ZNF680: variants seen among roughly 807,000 people sequenced by gnomAD.
ZNF680 encodes the protein hypothetical protein FLJ90430.
A neutral mutation model predicts 12.1 loss-of-function variants in ZNF680; 6 were observed. The ratio of observed to expected loss-of-function variants is 0.49; its 90% confidence interval spans 0.27 to 0.98. The LOEUF is 0.98. ZNF680 is among the 50% of genes least tolerant of loss of function. ZNF680 has a pLI of 0.12. For synonymous variants in ZNF680, 170 were observed against 199.3 expected, an observed-to-expected ratio of 0.85 and a Z score of 1.24; for missense variants, 561 against 616.3, an observed-to-expected ratio of 0.91 and a Z score of 0.95.
chr7:64,552,854 G>A (rs1483420117), intron 1 of ZNF680, among the ~76,000 whole-genome samples: 3 of 152,090 alleles, frequency 2.0e-5, no homozygotes, highest in South Asian at 2.1e-4. Flanking sequence ...GACCAGGCAC[G>A]GTGGCTCACG....
rs752161906 is a variant in ZNF680, at chr7:64,522,432, T to A, written c.322A>T (p.Ile108Leu). ...CCACATTTTCCATATCCTCTCAGTA[T>A]CACTTTTTGAAAAGAATCTTTTATG... Reference protein sequence around the residue: ...HSIKDSFQKVILRGYGKCGHE... With the variant: ...HSIKDSFQKVLLRGYGKCGHE... The change falls in exon 4 of 4, where the codon ATA becomes TTA. Residue 108 changes from isoleucine (I) to leucine (L), a missense_variant. Coordinates refer to ENST00000309683, the MANE Select transcript of ZNF680 (RefSeq NM_178558.5). 6.2e-7 allele frequency: 1 copy of A among 1,602,594 alleles called. No individual in the cohort carries two copies. Among genetic ancestry groups the A allele is most frequent in the Admixed American group, 1.7e-5 (1 of 57,880 alleles).
intron 3 of ZNF680, among the ~76,000 whole-genome samples, chr7:64,539,649 C>G (rs944931203): frequency 6.6e-6 from 1 of 152,010 alleles, no homozygotes; most frequent in South Asian, 2.1e-4. Flanking sequence ...TTAACATGCT[C>G]GAAATGTACA....
chr7:64,512,420 T>C, the ZNF680 span, among the ~76,000 whole-genome samples: 4 of 131,608 alleles, frequency 3.0e-5, no homozygotes, highest in African/African-American at 1.2e-4. Flanking sequence ...ACCATTGCAC[T>C]CCAGCCTGGG....
chr7:64,562,204 C>A (rs1787784328), intron 1 of ZNF680, among the ~76,000 whole-genome samples: 1 of 150,094 alleles, frequency 6.7e-6, no homozygotes, highest in Admixed American at 6.7e-5. Context: ...TGCACTTCAG[C>A]CTGGGCGACA....
intron 1 of ZNF680, among the ~76,000 whole-genome samples, chr7:64,561,928 C>G (rs1787761813): frequency 1.1e-5 from 1 of 87,736 alleles, no homozygotes; most frequent in African/African-American, 4.1e-5. Flanking sequence ...GAGCAAGACT[C>G]CGTCTCAAAA....
intron 3 of ZNF680, among the ~76,000 whole-genome samples, chr7:64,537,331 T>G: frequency 6.6e-6 from 1 of 152,062 alleles, no homozygotes; most frequent in East Asian, 1.9e-4. Context: ...TAAATTTAAT[T>G]TAATTTAAAA....
the ZNF680 span, among the ~76,000 whole-genome samples, chr7:64,510,682 G>C: frequency 6.7e-6 from 1 of 149,100 alleles, no homozygotes; most frequent in African/African-American, 2.5e-5. Context: ...AGGCCAAGGC[G>C]GGCGGATCAC....
the ZNF680 span, among the ~76,000 whole-genome samples, chr7:64,508,013 A>G: frequency 1.3e-5 from 2 of 150,580 alleles, no homozygotes; most frequent in African/African-American, 4.9e-5. Context: ...AATACTTTAA[A>G]AGGCTCTAAA....
At chr7:64,540,996 T>C (rs1396923726) in intron 3 of ZNF680, among the ~76,000 whole-genome samples, 3 of 152,196 alleles carry the variant, frequency 2.0e-5, no homozygotes, top group Non-Finnish European at 2.9e-5. Context: ...GTTTTAAATA[T>C]ATGCTATTCT....
chr7:64,532,033 C>T (rs574624848), intron 3 of ZNF680, among the ~76,000 whole-genome samples: 9 of 152,238 alleles, frequency 5.9e-5, no homozygotes, highest in African/African-American at 9.6e-5. Flanking sequence ...AGGCCAGGCA[C>T]GGTGGCTCAC....
At chr7:64,528,437 A>T (rs1287717223) in intron 3 of ZNF680, among the ~76,000 whole-genome samples, 1 of 152,188 alleles carries the variant, frequency 6.6e-6, no homozygotes, top group African/African-American at 2.4e-5. Context: ...GCAAGTTCTT[A>T]GCCCAGCTTG....
intron 3 of ZNF680, among the ~76,000 whole-genome samples, chr7:64,540,347 C>G (rs999982495): frequency 4.7e-5 from 7 of 149,400 alleles, no homozygotes; most frequent in African/African-American, 1.7e-4. Context: ...CTCTGTCGCC[C>G]AGGCTGGAGT....
chr7:64,531,079 G>C (rs1785848207), intron 3 of ZNF680, among the ~76,000 whole-genome samples: 1 of 151,960 alleles, frequency 6.6e-6, no homozygotes, highest in Non-Finnish European at 1.5e-5. Context: ...GATCAAGACA[G>C]AAAATTAACA....
intron 3 of ZNF680, among the ~76,000 whole-genome samples, chr7:64,532,312 A>C (rs1035836578): frequency 6.6e-6 from 1 of 152,086 alleles, no homozygotes; most frequent in Non-Finnish European, 1.5e-5. Flanking sequence ...CTCAAAAAAA[A>C]AAAAGAAAAG....
downstream of ZNF680, among the ~76,000 whole-genome samples, chr7:64,515,039 G>GTC (rs1262234461): frequency 4.2e-5 from 4 of 95,160 alleles, no homozygotes; most frequent in African/African-American, 1.4e-4. Context: ...GCAAAACTCT[G>GTC]TCACACACAC....
At chr7:64,514,542 A>C in the ZNF680 span, among the ~76,000 whole-genome samples, 1 of 152,138 alleles carries the variant, frequency 6.6e-6, no homozygotes, top group African/African-American at 2.4e-5. Context: ...CAAAACTCAT[A>C]AATAGCTCAT....
intron 3 of ZNF680, chr7:64,526,255 T>C: frequency 8.9e-7 from 1 of 1,126,044 alleles, no homozygotes. Flanking sequence ...ACTTCCCAAA[T>C]TTTGATGCAG....
At chr7:64,533,145 A>G (rs1254591109) in intron 3 of ZNF680, among the ~76,000 whole-genome samples, 1 of 152,242 alleles carries the variant, frequency 6.6e-6, no homozygotes, top group Non-Finnish European at 1.5e-5. Context: ...CTCTTCTTCA[A>G]CATAGCACTG....
Position 64,521,017 on chromosome 7 carries a change from C to T in ZNF680, c.*144G>A. 5 of 893,260 alleles carry T rather than the reference C, an allele frequency of 5.6e-6. No individual in the cohort carries two copies. The South Asian group carries it at 7.6e-5, about 14-fold the overall frequency. 55.3% of individuals were successfully genotyped at this position (893,260 alleles called of 1,614,324 possible). The stretch of plus-strand genomic sequence containing the variant: ...GATGTGAGTATTGGTTAAGTTTTGT[C>T]ACATTCTTTACACTTATAAAGTTTT... On this transcript the variant is annotated 3_prime_UTR_variant, in exon 4 of 4. Transcript: ENST00000309683.
Sources: allele counts gnomAD v4.1 joint callset (sites outside exome capture counted in the v4.1 genomes callset), GRCh38; gene constraint gnomAD v4.1.1; transcripts MANE v1.5; gene names NCBI Gene and HGNC (gene_info 2026-07-23, HGNC 2026-07-21).